Variants in CFAP299 observed in about 807,000 individuals in gnomAD.
CFAP299 encodes cilia- and flagella-associated protein 299.
In CFAP299, 21 loss-of-function variants were observed where a neutral mutation model predicts 27.0. The observed-to-expected ratio is 0.78, with a 90% CI of 0.55 to 1.12. The LOEUF (loss-of-function observed/expected upper bound fraction) is 1.12. CFAP299 is among the 50% of genes most tolerant of loss of function. The pLI is 0.00. For missense variants in CFAP299, 310 were observed against 276.6 expected, an observed-to-expected ratio of 1.12 and a Z score of -0.86; for synonymous variants, 104 against 98.1, an observed-to-expected ratio of 1.06 and a Z score of -0.36.
chr4:80,321,517 C>T, the CFAP299 span, among the ~76,000 whole-genome samples: 2 of 152,110 alleles, frequency 1.3e-5, no homozygotes, highest in Non-Finnish European at 1.5e-5. Context: ...CATGTCCCCC[C>T]GCCCACCACC....
At chr4:80,950,650 G>A (rs180869171) in intron 5 of CFAP299, among the ~76,000 whole-genome samples, 18 of 152,190 alleles carry the variant, frequency 1.2e-4, no homozygotes, top group Admixed American at 8.5e-4. Context: ...GTGAAGGAAG[G>A]CAGAGGACCT....
intron 3 of CFAP299, among the ~76,000 whole-genome samples, chr4:80,818,745 A>G (rs572162995): frequency 7.9e-5 from 12 of 152,334 alleles, no homozygotes; most frequent in African/African-American, 2.6e-4. Flanking sequence ...AGTTTGCATA[A>G]AACACTAAAA....
At chr4:80,647,309 T>A (rs1405786354) in intron 3 of CFAP299, among the ~76,000 whole-genome samples, 1 of 152,144 alleles carries the variant, frequency 6.6e-6, no homozygotes, top group Non-Finnish European at 1.5e-5. Context: ...ATCAGTCAAG[T>A]CTCAGACACA....
chr4:80,879,462 C>A (rs1733578546), intron 4 of CFAP299, among the ~76,000 whole-genome samples: 1 of 151,990 alleles, frequency 6.6e-6, no homozygotes, highest in Non-Finnish European at 1.5e-5. Context: ...TTTATCTATT[C>A]TTTGATTGCC....
chr4:80,546,086 G>A (rs1734213695), intron 2 of CFAP299, among the ~76,000 whole-genome samples: 1 of 152,112 alleles, frequency 6.6e-6, no homozygotes, highest in Admixed American at 6.6e-5. Flanking sequence ...AGTCATTGAA[G>A]GAACATATCT....
chr4:80,397,236 T>C (rs986886252), intron 2 of CFAP299, among the ~76,000 whole-genome samples: 7 of 152,176 alleles, frequency 4.6e-5, no homozygotes, highest in African/African-American at 1.4e-4. Context: ...ATCCCCTTTA[T>C]CATTTTTTAT....
intron 3 of CFAP299, among the ~76,000 whole-genome samples, chr4:80,676,077 C>CT (rs2109999712): frequency 6.6e-6 from 1 of 152,320 alleles, no homozygotes; most frequent in East Asian, 1.9e-4. Flanking sequence ...ATGAGATGAA[C>CT]CATACCTCAG....
At chr4:80,765,359 T>C (rs926672332) in intron 3 of CFAP299, among the ~76,000 whole-genome samples, 6 of 152,246 alleles carry the variant, frequency 3.9e-5, no homozygotes, top group East Asian at 1.9e-4. Context: ...ATAAAAGTTA[T>C]ACTAAGCCTC....
At chr4:80,450,261 G>A (rs886709998) in intron 2 of CFAP299, among the ~76,000 whole-genome samples, 2 of 152,100 alleles carry the variant, frequency 1.3e-5, no homozygotes, top group South Asian at 4.1e-4. Flanking sequence ...GAATTGAAAA[G>A]TTCTCCCTTT....
chr4:80,940,890 A>G (rs184951213), intron 4 of CFAP299, among the ~76,000 whole-genome samples: 16 of 152,300 alleles, frequency 1.1e-4, no homozygotes, highest in Admixed American at 3.3e-4. Context: ...AAATATAAGC[A>G]CACAGATAGG....
intron 2 of CFAP299, chr4:80,388,076 G>A: frequency 1.5e-6 from 1 of 689,032 alleles, no homozygotes; most frequent in Non-Finnish European, 2.6e-6. Context: ...AGCCAGGAGT[G>A]CAGCAGCACT....
chr4:80,589,953 A>C (rs1198558823), intron 3 of CFAP299, among the ~76,000 whole-genome samples: 1 of 152,170 alleles, frequency 6.6e-6, no homozygotes, highest in Non-Finnish European at 1.5e-5. Flanking sequence ...GAAACTCTCA[A>C]TCATATAAGC....
In CFAP299 at chr4:80,391,051, A is replaced by G. The variant is rs138273853; in HGVS notation, c.242+28167A>G. On this transcript the variant is annotated intron_variant, in intron 2 of 5. Coordinates refer to ENST00000358105, the MANE Select transcript of CFAP299 (RefSeq NM_152770.3). The stretch of plus-strand genomic sequence containing the variant: ...TATATGTATACACACACACATATAT[A>G]CACACATATATATACATATACACAT... 3.5e-3 allele frequency among the ~76,000 whole-genome samples: 535 copies of G among 150,998 alleles called. 10 individuals are homozygous for G. Among genetic ancestry groups the G allele is most frequent in the African/African-American group, 0.012 (503 of 40,686 alleles).
intron 4 of CFAP299, among the ~76,000 whole-genome samples, chr4:80,889,104 C>T (rs1314486500): frequency 6.7e-6 from 1 of 149,908 alleles, no homozygotes; most frequent in African/African-American, 2.4e-5. Context: ...CAAACAAAAC[C>T]CTAAATTAGT....
At chr4:80,906,498 G>C (rs1401328450) in intron 4 of CFAP299, among the ~76,000 whole-genome samples, 1 of 152,208 alleles carries the variant, frequency 6.6e-6, no homozygotes. Context: ...AACTCCACAT[G>C]TGTCTTCCAC....
At chr4:80,390,604 T>TAC (rs1393663270) in intron 2 of CFAP299, among the ~76,000 whole-genome samples, 3 of 137,140 alleles carry the variant, frequency 2.2e-5, no homozygotes, top group Non-Finnish European at 4.6e-5. Flanking sequence ...TATATATGTA[T>TAC]ACACACATAT....
rs761450569 is a variant in CFAP299, at chr4:80,880,532, C to G, written c.476+10397C>G. ...AGATCACAAGGTCAGGAATTTGAGA[C>G]CAGCCTGGCCAATATGGTGAAATTC... is the stretch of plus-strand genomic sequence containing the variant. On this transcript the variant is annotated intron_variant, in intron 4 of 5. Transcript: ENST00000358105. Among the ~76,000 whole-genome samples the G allele has an allele frequency of 4.3e-4, 66 of 151,908 alleles. 1 individual carries two copies. Among genetic ancestry groups the G allele is most frequent in the Non-Finnish European group, 4.9e-4 (33 of 67,984 alleles).
chr4:80,871,507 A>G (rs982867615), intron 4 of CFAP299: 2 of 985,256 alleles, frequency 2.0e-6, no homozygotes, highest in African/African-American at 3.5e-5. Flanking sequence ...TTATGTTCAA[A>G]ATTAAATTCA....
At chr4:80,760,926 G>T (rs1173458356) in intron 3 of CFAP299, among the ~76,000 whole-genome samples, 1 of 152,184 alleles carries the variant, frequency 6.6e-6, no homozygotes, top group African/African-American at 2.4e-5. Flanking sequence ...ATGGCACAGA[G>T]TGAGAGACAG....
Sources: gnomAD v4.1 joint callset for allele counts (sites outside exome capture counted in the v4.1 genomes callset) on GRCh38, gnomAD v4.1.1 for gene constraint, MANE v1.5 for transcripts, NCBI Gene and HGNC (gene_info 2026-07-23, HGNC 2026-07-21) for gene names.